The following POU2F3 variants were observed in gnomAD, a reference collection of about 807,000 sequenced individuals.
POU2F3 encodes POU class 2 homeobox 3, also known as POU domain, class 2, transcription factor 3.
Under a neutral mutation model 59.2 loss-of-function variants are expected in POU2F3, and 23 were observed. The ratio of observed to expected loss-of-function variants is 0.39; its 90% CI spans 0.28 to 0.55. The LOEUF is 0.55. POU2F3 is among the 20% of genes least tolerant of loss of function. The pLI, the probability that POU2F3 is intolerant of heterozygous loss-of-function variation, is 0.66. For synonymous variants in POU2F3, 190 were observed against 214.6 expected, an observed-to-expected ratio of 0.89 and a Z score of 1.00; for missense variants, 473 against 544.5, an observed-to-expected ratio of 0.87 and a Z score of 1.31.
chr11:120,240,217 G>T lies in POU2F3; in HGVS notation c.-127G>T. The T allele has an allele frequency of 8.0e-7, 1 of 1,244,676 alleles. No homozygotes were observed. The allele number at this position is 1,244,676 out of a possible 1,614,324, so 77.1% of individuals were successfully genotyped here. A position where few individuals can be genotyped will look rare whatever the true frequency, so the allele number is the denominator to read the frequency against. On this transcript the variant is annotated 5_prime_UTR_variant, in exon 1 of 13. Coordinates refer to ENST00000543440, the MANE Select transcript of POU2F3 (RefSeq NM_014352.4). ...GCGCGACAGTGGCGGCGACGGCTCCGGCAGCGGCTCCCGCGGCGGCGGCGG... is the reference window on the plus strand; with the variant it reads ...GCGCGACAGTGGCGGCGACGGCTCCTGCAGCGGCTCCCGCGGCGGCGGCGG...
chr11:120,258,550 T>C (rs1020831157), intron 2 of POU2F3, among the ~76,000 whole-genome samples: 2 of 152,186 alleles, frequency 1.3e-5, no homozygotes, highest in African/African-American at 2.4e-5. Flanking sequence ...AAAGCTCTGA[T>C]AGAAAAATAG....
At chr11:120,259,855 G>A (rs1481393199) in intron 2 of POU2F3, among the ~76,000 whole-genome samples, 2 of 152,212 alleles carry the variant, frequency 1.3e-5, no homozygotes, top group Non-Finnish European at 2.9e-5. Flanking sequence ...TTCCTTGGAT[G>A]AATCTCAAGT....
chr11:120,302,137 G>T (rs1351275933), intron 5 of POU2F3, 149 bp from the exon 6 acceptor site: 1 of 635,544 alleles, frequency 1.6e-6, no homozygotes, highest in South Asian at 2.0e-5. Context: ...TGCTAGGAGG[G>T]CCTCTCCATG....
At chr11:120,296,049 G>A (rs1941183623) in intron 3 of POU2F3, among the ~76,000 whole-genome samples, 1 of 152,188 alleles carries the variant, frequency 6.6e-6, no homozygotes, top group Non-Finnish European at 1.5e-5. Flanking sequence ...ATTGGAATTT[G>A]TAATTCCATT....
At chr11:120,268,195 A>G (rs891608652) in intron 2 of POU2F3, among the ~76,000 whole-genome samples, 7 of 152,182 alleles carry the variant, frequency 4.6e-5, no homozygotes, top group African/African-American at 1.7e-4. Flanking sequence ...ACAGAGTGGT[A>G]TATATCCATG....
At chr11:120,300,040 G>A (rs1180178377) in intron 5 of POU2F3, among the ~76,000 whole-genome samples, 1 of 152,166 alleles carries the variant, frequency 6.6e-6, no homozygotes, top group African/African-American at 2.4e-5. Flanking sequence ...GAGGGGAAGC[G>A]CCCTGGGAAA....
intron 3 of POU2F3, among the ~76,000 whole-genome samples, chr11:120,296,772 C>T (rs767124917): frequency 4.6e-5 from 7 of 152,028 alleles, no homozygotes; most frequent in Admixed American, 2.0e-4. Flanking sequence ...GTATATATAC[C>T]GCATTTTCTT....
chr11:120,277,164 G>A (rs556884906), intron 3 of POU2F3, among the ~76,000 whole-genome samples: 7 of 152,144 alleles, frequency 4.6e-5, no homozygotes, highest in African/African-American at 9.7e-5. Flanking sequence ...GGTGGTGCAC[G>A]CCTGTAATCC....
chr11:120,259,818 C>G (rs1939514791), intron 2 of POU2F3, among the ~76,000 whole-genome samples: 1 of 152,206 alleles, frequency 6.6e-6, no homozygotes, highest in African/African-American at 2.4e-5. Context: ...CTGGACAGAA[C>G]TCTGACCATT....
At chr11:120,289,968 A>G (rs1043936096) in intron 3 of POU2F3, among the ~76,000 whole-genome samples, 8 of 152,206 alleles carry the variant, frequency 5.3e-5, no homozygotes, top group African/African-American at 9.6e-5. Flanking sequence ...GCCTTTTGGT[A>G]TACAGTAGGT....
intron 10 of POU2F3, among the ~76,000 whole-genome samples, chr11:120,312,223 A>G (rs10790376): frequency 0.65 from 98,992 of 151,962 alleles, 32,686 homozygotes; most frequent in Admixed American, 0.7. Context: ...TCCTGGGTTC[A>G]AGTAATTCTC....
intron 8 of POU2F3, 132 bp from the exon 9 acceptor site, chr11:120,307,347 T>C: frequency 1.9e-6 from 2 of 1,047,098 alleles, no homozygotes; most frequent in South Asian, 3.1e-5. Context: ...GGCTCCCTGC[T>C]GGGGGAGGGG....
At chr11:120,305,587 G>T (rs1941463625) in intron 7 of POU2F3, 57 bp from the exon 8 acceptor site, 1 of 1,595,902 alleles carries the variant, frequency 6.3e-7, no homozygotes, top group East Asian at 2.2e-5. Context: ...CAGGATGTGG[G>T]CAAACAAGAG....
At chr11:120,246,998 GC>G (rs1938904511) in intron 2 of POU2F3, among the ~76,000 whole-genome samples, 1 of 152,168 alleles carries the variant, frequency 6.6e-6, no homozygotes, top group African/African-American at 2.4e-5. Context: ...AGGTGACTTT[GC>G]TTTGGAAAGA....
chr11:120,244,770 G>T (rs1221833819), intron 1 of POU2F3, among the ~76,000 whole-genome samples: 1 of 152,212 alleles, frequency 6.6e-6, no homozygotes, highest in African/African-American at 2.4e-5. Flanking sequence ...GGAGAGGGGA[G>T]CCCGTTTCTC....
intron 1 of POU2F3, among the ~76,000 whole-genome samples, chr11:120,244,785 G>C (rs1938803804): frequency 6.6e-6 from 1 of 152,192 alleles, no homozygotes; most frequent in East Asian, 1.9e-4. Flanking sequence ...TTTCTCCATT[G>C]GAACAGAAGG....
intron 3 of POU2F3, among the ~76,000 whole-genome samples, chr11:120,288,789 C>A (rs191768395): frequency 6.6e-6 from 1 of 151,678 alleles, no homozygotes; most frequent in Admixed American, 6.6e-5. Context: ...TATATACATA[C>A]GCACATGTAT....
chr11:120,271,833 T>C (rs1460972607), intron 3 of POU2F3, among the ~76,000 whole-genome samples: 1 of 152,176 alleles, frequency 6.6e-6, no homozygotes, highest in African/African-American at 2.4e-5. Context: ...CCCTCCCTCT[T>C]CTGGGAGGGG....
At chr11:120,307,288 G>A (rs1429866768) in intron 8 of POU2F3, among the ~76,000 whole-genome samples, 191 bp from the exon 9 acceptor site, 2 of 152,230 alleles carry the variant, frequency 1.3e-5, no homozygotes, top group Non-Finnish European at 2.9e-5. Context: ...GGCCACGGAG[G>A]GCCTTTGCCC....
Sources: allele counts gnomAD v4.1 joint callset (sites outside exome capture counted in the v4.1 genomes callset), GRCh38; gene constraint gnomAD v4.1.1; transcripts MANE v1.5; gene names NCBI Gene and HGNC (gene_info 2026-07-23, HGNC 2026-07-21).